The following NARS2 variants were observed in gnomAD, a reference collection of about 807,000 sequenced individuals.
NARS2 encodes asparaginyl-tRNA synthetase.
In NARS2, 60 loss-of-function variants were observed where a neutral mutation model predicts 62.9. That is an observed-to-expected ratio of 0.95 (90% CI 0.77 to 1.18). The LOEUF (loss-of-function observed/expected upper bound fraction) is 1.18. Among genes scored for constraint, NARS2 ranks in the 50% most tolerant of loss-of-function variants. The pLI, the probability that NARS2 is intolerant of heterozygous loss-of-function variation, is 0.00. For missense variants in NARS2, 619 were observed against 576.4 expected (o/e 1.07, Z -0.76); for synonymous variants, 196 against 200.0 (o/e 0.98, Z 0.17).
intron 5 of NARS2, among the ~76,000 whole-genome samples, chr11:78,537,575 C>T (rs1019250114): frequency 1.3e-5 from 2 of 152,274 alleles, no homozygotes; most frequent in Non-Finnish European, 2.9e-5. Flanking sequence ...GGTGGGAGAA[C>T]TGCTCGAGTC....
intron 11 of NARS2, among the ~76,000 whole-genome samples, chr11:78,453,805 G>A (rs1858055864): frequency 2.0e-5 from 3 of 152,206 alleles, no homozygotes; most frequent in Non-Finnish European, 4.4e-5. Context: ...CTTTCCAGAT[G>A]TGATGGTGAA....
At chr11:78,540,325 C>T (rs946138373) in intron 5 of NARS2, among the ~76,000 whole-genome samples, 2 of 152,122 alleles carry the variant, frequency 1.3e-5, no homozygotes, top group African/African-American at 2.4e-5. Flanking sequence ...TTTGTTCTCA[C>T]AGCAGAACAA....
intron 5 of NARS2, among the ~76,000 whole-genome samples, chr11:78,553,391 C>A (rs529130420): frequency 1.3e-5 from 2 of 152,034 alleles, no homozygotes; most frequent in South Asian, 2.1e-4. Context: ...CGGGTTCAAG[C>A]GATTCTTCTG....
intron 3 of NARS2, among the ~76,000 whole-genome samples, chr11:78,568,173 A>G (rs570055962): frequency 4.6e-5 from 7 of 152,366 alleles, no homozygotes; most frequent in Non-Finnish European, 1.0e-4. Context: ...AGTAGCCAGT[A>G]GCCACATGCA....
chr11:78,538,000 A>C (rs1178650264), intron 5 of NARS2, among the ~76,000 whole-genome samples: 1 of 152,228 alleles, frequency 6.6e-6, no homozygotes, highest in Admixed American at 6.5e-5. Flanking sequence ...AGAATTCTTA[A>C]GTTTTAAACT....
chr11:78,568,165 T>C (rs977964187), intron 3 of NARS2, among the ~76,000 whole-genome samples: 3 of 152,210 alleles, frequency 2.0e-5, no homozygotes, highest in African/African-American at 7.2e-5. Context: ...TCCAATATAG[T>C]AGCCAGTAGC....
In NARS2 at chr11:78,443,770, A is replaced by G; in HGVS notation, c.1165-12T>C. On this transcript the variant is annotated splice_polypyrimidine_tract_variant and intron_variant, in intron 11 of 13. Transcript: ENST00000281038. ...TCAACAGCAGCAACCTAAGGAAAAA[A>G]AAAAAATTATTAGCATTATATTTTC... 6.3e-7 allele frequency: 1 copy of G among 1,591,194 alleles called. No homozygotes were observed. The highest frequency in any genetic ancestry group is 2.2e-5 in the East Asian group (1 of 44,758).
At chr11:78,531,153 GTC>G (rs1861464459) in intron 5 of NARS2, among the ~76,000 whole-genome samples, 1 of 152,042 alleles carries the variant, frequency 6.6e-6, no homozygotes, top group South Asian at 2.1e-4. Context: ...GAACAAAACT[GTC>G]AGAATCAATT....
chr11:78,555,068 T>C (rs898649569), intron 5 of NARS2: 1 of 152,252 alleles, frequency 6.6e-6, no homozygotes, highest in African/African-American at 2.4e-5. Context: ...CAACCTTGCA[T>C]CCCAGCAATG....
chr11:78,543,955 C>T (rs993799759), intron 5 of NARS2, among the ~76,000 whole-genome samples: 57 of 131,784 alleles, frequency 4.3e-4, no homozygotes, highest in African/African-American at 1.6e-3. Flanking sequence ...CGCTTGAACC[C>T]GGGAGGTGGA....
intron 1 of NARS2, among the ~76,000 whole-genome samples, chr11:78,572,622 T>C (rs543158382): frequency 1.3e-5 from 2 of 152,360 alleles, no homozygotes; most frequent in South Asian, 4.1e-4. Context: ...TGTTTTCTTA[T>C]AGTTCTTTAC....
intron 11 of NARS2, among the ~76,000 whole-genome samples, chr11:78,448,810 CATCAAATGAGAG>C (rs1372768634): frequency 6.6e-6 from 1 of 152,130 alleles, no homozygotes; most frequent in East Asian, 1.9e-4. Context: ...AGTTCATGAG[CATCAAATGAGAG>C]ATGTACTTGT....
At chr11:78,468,434 A>T (rs923921396) in intron 10 of NARS2, among the ~76,000 whole-genome samples, 1 of 139,842 alleles carries the variant, frequency 7.2e-6, no homozygotes, top group Non-Finnish European at 1.5e-5. Flanking sequence ...TTTGAGATGG[A>T]GTCTCGCTGT....
chr11:78,484,789 G>A (rs1159540534), intron 7 of NARS2, among the ~76,000 whole-genome samples: 1 of 152,174 alleles, frequency 6.6e-6, no homozygotes, highest in Non-Finnish European at 1.5e-5. Flanking sequence ...GTTGGTGGGA[G>A]TGTCAATTAG....
chr11:78,560,022 C>T (rs577217018), intron 4 of NARS2, among the ~76,000 whole-genome samples: 5 of 152,270 alleles, frequency 3.3e-5, no homozygotes, highest in Admixed American at 1.3e-4. Context: ...CAAACACATA[C>T]GCACACTATA....
intron 11 of NARS2, among the ~76,000 whole-genome samples, chr11:78,459,249 G>GT (rs376715938): frequency 3.3e-4 from 47 of 143,178 alleles, no homozygotes; most frequent in African/African-American, 5.0e-4. Context: ...TTTTGTCGTT[G>GT]TTTTTTTTTT....
chr11:78,468,802 T>TC (rs1335023344), intron 10 of NARS2, among the ~76,000 whole-genome samples: 8 of 150,752 alleles, frequency 5.3e-5, no homozygotes, highest in African/African-American at 1.9e-4. Context: ...CTTTTTTTTT[T>TC]TTTTTTTTGG....
intron 6 of NARS2, among the ~76,000 whole-genome samples, chr11:78,516,608 A>G (rs1415739639): frequency 6.6e-6 from 1 of 152,188 alleles, no homozygotes; most frequent in Non-Finnish European, 1.5e-5. Flanking sequence ...TTTTTGATAC[A>G]CACAGTTTCT....
chr11:78,480,306 C>T (rs1462764670), intron 7 of NARS2, among the ~76,000 whole-genome samples: 1 of 148,898 alleles, frequency 6.7e-6, no homozygotes, highest in Admixed American at 6.6e-5. Flanking sequence ...TGCTCTCTCA[C>T]GCAGGCAGTG....
Sources: allele counts gnomAD v4.1 joint callset (sites outside exome capture counted in the v4.1 genomes callset), GRCh38; gene constraint gnomAD v4.1.1; transcripts MANE v1.5; gene names NCBI Gene and HGNC (gene_info 2026-07-23, HGNC 2026-07-21).